Variants in DOCK2 observed in about 807,000 individuals in gnomAD.
DOCK2 encodes dedicator of cytokinesis 2, also known as dedicator of cytokinesis protein 2.
In DOCK2, 87 loss-of-function variants were observed where a neutral mutation model predicts 248.9. The observed-to-expected ratio is 0.35, with a 90% confidence interval of 0.29 to 0.42. DOCK2 has a LOEUF of 0.42. DOCK2 is among the 10% of genes least tolerant of loss of function. The probability of loss-of-function intolerance (pLI) is 1.00; values close to 1 mark genes in which losing one functional copy is unlikely to be tolerated. For synonymous variants in DOCK2, 805 were observed against 821.6 expected (o/e 0.98, Z 0.35); for missense variants, 1,747 against 2,300.2 (o/e 0.76, Z 4.92).
intron 22 of DOCK2, among the ~76,000 whole-genome samples, chr5:169,743,198 C>T (rs1763418332): frequency 6.6e-6 from 1 of 152,190 alleles, no homozygotes; most frequent in Non-Finnish European, 1.5e-5. Flanking sequence ...CTTAATCACC[C>T]TGCTGTCATC....
chr5:170,075,550 C>T, intron 46 of DOCK2: 1 of 164,868 alleles, frequency 6.1e-6, no homozygotes, highest in South Asian at 1.7e-4. Context: ...TGACATTCAT[C>T]CTTTCACTTT....
rs552454005 is a variant in DOCK2 at position 170,082,924 on chromosome 5, C to G, written c.*66C>G. 1 of 1,600,016 alleles carries G rather than the reference C, an allele frequency of 6.2e-7. No individual in the cohort carries two copies. The highest frequency in any genetic ancestry group is 1.3e-5 in the African/African-American group (1 of 74,750). On this transcript the variant is annotated 3_prime_UTR_variant, in exon 52 of 52. Coordinates refer to ENST00000520908, the MANE Select transcript of DOCK2 (RefSeq NM_004946.3). Reference sequence around the variant, plus strand: ...GAGTTTCTGGAAGAGGAAAGCCATGCGTGGAACATCGAAGCCTCAGAGAGT... The same window carrying G: ...GAGTTTCTGGAAGAGGAAAGCCATGGGTGGAACATCGAAGCCTCAGAGAGT...
rs191970254 is a variant in DOCK2 at position 169,855,847 on chromosome 5, T to C, written c.2799+14995T>C. 1.4e-3 allele frequency among the ~76,000 whole-genome samples: 206 copies of C among 152,308 alleles called. 2 individuals are homozygous for C. Among genetic ancestry groups the C allele is most frequent in the African/African-American group, 4.8e-3 (198 of 41,558 alleles). ...TATGTATTGGTCTGTTTTAACACTG[T>C]GATAAAGACATACCTGAGACTGGCT... On this transcript the variant is annotated intron_variant, in intron 27 of 51. Coordinates refer to ENST00000520908, the MANE Select transcript of DOCK2 (RefSeq NM_004946.3).
chr5:169,765,461 G>GA (rs1764725926), intron 25 of DOCK2, among the ~76,000 whole-genome samples: 1 of 152,334 alleles, frequency 6.6e-6, no homozygotes, highest in Non-Finnish European at 1.5e-5. Context: ...GATGACAGGA[G>GA]AAAGGACGCA....
At chr5:169,744,368 G>A (rs1473076376) in intron 22 of DOCK2, among the ~76,000 whole-genome samples, 1 of 152,152 alleles carries the variant, frequency 6.6e-6, no homozygotes. Flanking sequence ...ATAAGATGGT[G>A]AAGCCAAGTC....
intron 38 of DOCK2, 152 bp from the exon 39 acceptor site, chr5:170,045,664 C>A: frequency 1.4e-6 from 1 of 706,276 alleles, no homozygotes. Context: ...CTCTAGGAAG[C>A]CCCCGGCCCC....
chr5:169,998,424 C>T (rs1754722140), intron 30 of DOCK2, among the ~76,000 whole-genome samples: 1 of 152,180 alleles, frequency 6.6e-6, no homozygotes, highest in Admixed American at 6.5e-5. Context: ...TCTTGAACTA[C>T]CTTGCATTCA....
At chr5:169,952,133 C>T (rs953713598) in intron 27 of DOCK2, among the ~76,000 whole-genome samples, 1 of 152,136 alleles carries the variant, frequency 6.6e-6, no homozygotes, top group Non-Finnish European at 1.5e-5. Context: ...TGAACTGTGA[C>T]TAAGAAAACA....
intron 27 of DOCK2, 96 bp from the exon 28 acceptor site, chr5:169,982,972 T>C (rs533852095): frequency 1.7e-6 from 2 of 1,201,556 alleles, no homozygotes; most frequent in African/African-American, 3.0e-5. Flanking sequence ...GTAAATACTT[T>C]ATTGATGAAT....
At chr5:169,884,200 G>C (rs1473700479) in intron 27 of DOCK2, 1 of 231,318 alleles carries the variant, frequency 4.3e-6, no homozygotes. Context: ...CAAGAGAGCT[G>C]GTAGGCGGTT....
chr5:169,942,057 G>A (rs1030000103), intron 27 of DOCK2, among the ~76,000 whole-genome samples: 6 of 152,196 alleles, frequency 3.9e-5, no homozygotes, highest in African/African-American at 7.2e-5. Context: ...AAAACAGTTC[G>A]ACATGAGAAG....
intron 26 of DOCK2, among the ~76,000 whole-genome samples, chr5:169,806,959 T>C (rs1427828193): frequency 6.6e-6 from 1 of 151,402 alleles, no homozygotes; most frequent in African/African-American, 2.4e-5. Flanking sequence ...TCCTCATTCT[T>C]CTTGGGTGCG....
intron 26 of DOCK2, among the ~76,000 whole-genome samples, chr5:169,820,778 T>A (rs1768380946): frequency 6.6e-6 from 1 of 152,196 alleles, no homozygotes; most frequent in South Asian, 2.1e-4. Flanking sequence ...AGAATGACTT[T>A]GACGAGCTGA....
intron 12 of DOCK2, 63 bp downstream of exon 12, chr5:169,699,521 C>A: frequency 6.7e-7 from 1 of 1,485,706 alleles, no homozygotes; most frequent in Non-Finnish European, 9.2e-7. Flanking sequence ...AACTCTTCAG[C>A]AAATGAATCA....
At chr5:170,069,093 G>A (rs1561907346) in intron 45 of DOCK2, 44 bp from the exon 46 acceptor site, 1 of 1,572,808 alleles carries the variant, frequency 6.4e-7, no homozygotes. Context: ...GCTGTGAAAT[G>A]CCACATGAAC....
chr5:170,053,759 A>G (rs1192582607), intron 41 of DOCK2, among the ~76,000 whole-genome samples: 3 of 152,254 alleles, frequency 2.0e-5, no homozygotes, highest in Non-Finnish European at 2.9e-5. Context: ...CAGGCATCAG[A>G]AGTAAATCAA....
chr5:170,043,006 A>C (rs952023468), intron 38 of DOCK2, among the ~76,000 whole-genome samples: 2 of 152,206 alleles, frequency 1.3e-5, no homozygotes, highest in Non-Finnish European at 2.9e-5. Context: ...AATGACATGC[A>C]GTGTCATCCT....
chr5:170,074,189 T>G (rs760811984), intron 46 of DOCK2, among the ~76,000 whole-genome samples: 15 of 152,306 alleles, frequency 9.8e-5, no homozygotes, highest in Non-Finnish European at 1.8e-4. Flanking sequence ...TCTTTTCTGT[T>G]CCTATATATT....
At chr5:169,699,111 T>C (rs1471866781) in intron 11 of DOCK2, among the ~76,000 whole-genome samples, 2 of 143,430 alleles carry the variant, frequency 1.4e-5, no homozygotes, top group Non-Finnish European at 3.0e-5. Context: ...GATATGCATG[T>C]TGAAAGCTTT....
Sources: allele counts gnomAD v4.1 joint callset (sites outside exome capture counted in the v4.1 genomes callset), GRCh38; gene constraint gnomAD v4.1.1; transcripts MANE v1.5; gene names NCBI Gene and HGNC (gene_info 2026-07-23, HGNC 2026-07-21).